Variants in PZP observed in about 807,000 individuals in gnomAD.
PZP encodes PZP alpha-2-macroglobulin like.
Under a neutral mutation model 179.8 loss-of-function variants are expected in PZP, and 150 were observed. That is an observed-to-expected ratio of 0.83 (90% CI 0.73 to 0.96). The LOEUF (loss-of-function observed/expected upper bound fraction) is 0.96. Among genes scored for constraint, PZP ranks in the 40% least tolerant of loss-of-function variants. The pLI, the probability that PZP is intolerant of heterozygous loss-of-function variation, is 0.00. For missense variants in PZP, 1,689 were observed against 1,764.0 expected (o/e 0.96, Z 0.76); for synonymous variants, 624 against 652.3 (o/e 0.96, Z 0.66).
rs774635153 is a variant in PZP, at chr12:9,150,650, C to T, written c.4378G>A (p.Glu1460Lys). 3 of 1,596,614 alleles carry T rather than the reference C, an allele frequency of 1.9e-6. No homozygotes were observed. Among genetic ancestry groups the T allele is most frequent in the Non-Finnish European group, 1.7e-6 (2 of 1,165,582 alleles). The change falls in exon 34 of 36, where the codon GAG becomes AAG. Residue 1460 changes from glutamate (E) to lysine (K), a missense_variant. Around this residue, in one of 3 missense-constraint regions of PZP, gnomAD observed 746 missense variants for 749.2 expected, o/e 1.00. Coordinates refer to ENST00000261336, the MANE Select transcript of PZP (RefSeq NM_002864.3). ...TCATTTTTCTTTCACTCACCTGTCT[C>T]ATAGTAATCATAGACTTTAACAATT... ...PAIVKVYDYY[E>K]TDESVVAEYI...
intron 13 of PZP, among the ~76,000 whole-genome samples, chr12:9,190,111 C>T (rs1943371533): frequency 6.6e-6 from 1 of 152,206 alleles, no homozygotes; most frequent in African/African-American, 2.4e-5. Context: ...AAAAACAGAA[C>T]TATCATTTGA....
intron 7 of PZP, among the ~76,000 whole-genome samples, 195 bp from the exon 8 acceptor site, chr12:9,197,318 G>C (rs909666946): frequency 6.8e-6 from 1 of 147,758 alleles, no homozygotes; most frequent in African/African-American, 2.5e-5. Context: ...TGACTGCACT[G>C]TACCACCACA....
At chr12:9,202,465 T>C in intron 3 of PZP, 60 bp downstream of exon 3, 1 of 1,612,514 alleles carries the variant, frequency 6.2e-7, no homozygotes, top group Non-Finnish European at 8.5e-7. Flanking sequence ...TAATGGAGAC[T>C]TTGGCTGTTC....
chr12:9,163,086 G>T (rs1198255760), intron 21 of PZP, among the ~76,000 whole-genome samples: 1 of 151,918 alleles, frequency 6.6e-6, no homozygotes, highest in African/African-American at 2.4e-5. Flanking sequence ...CAGGGAGGGT[G>T]GTAGAGAGAA....
intron 6 of PZP, 111 bp from the exon 7 acceptor site, chr12:9,200,559 T>A (rs1311089179): frequency 3.5e-6 from 3 of 845,202 alleles, no homozygotes; most frequent in Non-Finnish European, 5.5e-6. Flanking sequence ...AATGTTAGAT[T>A]TACTTTCCAA....
In PZP at chr12:9,152,963, C is replaced by A; in HGVS notation, c.3994-12G>T. 6.2e-7 allele frequency: 1 copy of A among 1,614,102 alleles called. No homozygotes were observed. ...TATTTCATGGATGTCTGTGAAACAG[C>A]AAAGACACTATCAGTTTCTCTCTTT... On this transcript the variant is annotated splice_polypyrimidine_tract_variant and intron_variant, in intron 30 of 35. Coordinates refer to ENST00000261336, the MANE Select transcript of PZP (RefSeq NM_002864.3).
At chr12:9,159,246 A>G (rs769323310) in intron 25 of PZP, among the ~76,000 whole-genome samples, 22 of 152,226 alleles carry the variant, frequency 1.4e-4, no homozygotes, top group Admixed American at 9.2e-4. Context: ...GGGTCTGGGT[A>G]TATTGGATTA....
intron 28 of PZP, among the ~76,000 whole-genome samples, chr12:9,156,574 A>G (rs1247910470): frequency 6.6e-6 from 1 of 152,222 alleles, no homozygotes; most frequent in African/African-American, 2.4e-5. Context: ...TCATTCAAGT[A>G]AGTAGAGAGA....
intron 13 of PZP, among the ~76,000 whole-genome samples, chr12:9,184,409 C>T (rs1942972107): frequency 6.6e-6 from 1 of 152,244 alleles, no homozygotes; most frequent in African/African-American, 2.4e-5. Context: ...GCCCCACCCC[C>T]ATGCTAACAC....
intron 13 of PZP, among the ~76,000 whole-genome samples, chr12:9,185,701 T>C (rs1391719756): frequency 6.6e-6 from 1 of 151,754 alleles, no homozygotes; most frequent in Non-Finnish European, 1.5e-5. Context: ...AAAGGACAAG[T>C]CACCTACAAA....
chr12:9,181,262 T>G, intron 14 of PZP, 130 bp from the exon 15 acceptor site: 1 of 1,154,382 alleles, frequency 8.7e-7, no homozygotes, highest in Non-Finnish European at 1.2e-6. Flanking sequence ...CAGAAACCTA[T>G]TTTTACAACT....
chr12:9,183,772 G>A (rs4140705), intron 13 of PZP, among the ~76,000 whole-genome samples: 149,052 of 152,334 alleles, frequency 0.98, 73,011 homozygotes, highest in East Asian at 1. Context: ...TACGTAGAAT[G>A]TGGAATTTTT....
intron 15 of PZP, among the ~76,000 whole-genome samples, chr12:9,174,559 A>C (rs1160401358): frequency 6.6e-6 from 1 of 152,126 alleles, no homozygotes; most frequent in Admixed American, 6.5e-5. Flanking sequence ...TATCTAGAAA[A>C]CCCCATTATC....
chr12:9,150,244 T>C (rs966089969), intron 34 of PZP, among the ~76,000 whole-genome samples: 1 of 152,206 alleles, frequency 6.6e-6, no homozygotes, highest in Non-Finnish European at 1.5e-5. Flanking sequence ...GAAACACTAA[T>C]TGATAAATTT....
At chr12:9,146,181 T>C (rs1939998341), downstream of PZP, among the ~76,000 whole-genome samples, 1 of 152,134 alleles carries the variant, frequency 6.6e-6, no homozygotes, top group African/African-American at 2.4e-5. Flanking sequence ...TTGATGGTGC[T>C]ACATAAGTTC....
At chr12:9,206,621 G>A (rs1484510230) in intron 1 of PZP, among the ~76,000 whole-genome samples, 1 of 152,178 alleles carries the variant, frequency 6.6e-6, no homozygotes, top group East Asian at 1.9e-4. Flanking sequence ...ACTGCCCCAA[G>A]GCAGGGGAGA....
chr12:9,142,016 A>AT, the PZP span, among the ~76,000 whole-genome samples: 1 of 152,098 alleles, frequency 6.6e-6, no homozygotes, highest in East Asian at 1.9e-4. Context: ...CCTTTTATAA[A>AT]TTTTTTCATG....
chr12:9,193,685 C>T (rs1943583312), intron 11 of PZP, among the ~76,000 whole-genome samples: 1 of 152,074 alleles, frequency 6.6e-6, no homozygotes, highest in African/African-American at 2.4e-5. Flanking sequence ...CTAGGGAAAT[C>T]TTTTGATCAT....
At chr12:9,160,059 A>G (rs767511691) in intron 24 of PZP, 34 bp from the exon 25 acceptor site, 1 of 1,576,614 alleles carries the variant, frequency 6.3e-7, no homozygotes, top group Admixed American at 1.7e-5. Flanking sequence ...TTCATGAAGC[A>G]TTAAAGAAAG....
Sources: gnomAD v4.1 joint callset for allele counts (sites outside exome capture counted in the v4.1 genomes callset) on GRCh38, gnomAD v4.1.1 for gene constraint, gnomAD v4.1.1 regional missense constraint, MANE v1.5 for transcripts, NCBI Gene and HGNC (gene_info 2026-07-23, HGNC 2026-07-21) for gene names.